The following LRRC37A2 variants were observed in gnomAD, a reference collection of about 807,000 sequenced individuals.
The protein encoded by LRRC37A2 is leucine rich repeat containing 37 member A2.
Under a neutral mutation model 68.8 loss-of-function variants are expected in LRRC37A2, and 9 were observed. The observed-to-expected ratio is 0.13, with a 90% CI of 0.08 to 0.23. The LOEUF (loss-of-function observed/expected upper bound fraction) is 0.23, where lower values mean the gene tolerates loss of function less well. Among genes scored for constraint, LRRC37A2 ranks in the 10% least tolerant of loss-of-function variants. The probability of loss-of-function intolerance (pLI) is 1.00; values close to 1 mark genes in which losing one functional copy is unlikely to be tolerated. For synonymous variants in LRRC37A2, 63 were observed against 367.6 expected, an observed-to-expected ratio of 0.17 and a Z score of 9.48; for missense variants, 168 against 950.4, an observed-to-expected ratio of 0.18 and a Z score of 10.82.
the LRRC37A2 span, among the ~76,000 whole-genome samples, chr17:46,772,431 G>A: frequency 1.3e-5 from 2 of 152,328 alleles, no homozygotes; most frequent in East Asian, 3.9e-4. Context: ...CTCGCTTTTG[G>A]GGAGCGCGTC....
the LRRC37A2 span, chr17:46,966,976 G>A: frequency 3.1e-6 from 1 of 322,098 alleles, no homozygotes; most frequent in Non-Finnish European, 5.6e-6. Flanking sequence ...TTGCTTATTT[G>A]ATTAAATGTC....
chr17:46,914,325 A>G, the LRRC37A2 span, among the ~76,000 whole-genome samples: 2 of 152,088 alleles, frequency 1.3e-5, no homozygotes, highest in South Asian at 4.2e-4. Context: ...TAGGGGGGCC[A>G]CTAATAGTTT....
chr17:46,867,884 C>T, the LRRC37A2 span, among the ~76,000 whole-genome samples: 35 of 152,092 alleles, frequency 2.3e-4, no homozygotes, highest in Admixed American at 6.5e-4. Context: ...CAGAGGTCAT[C>T]GCATGTGTGG....
chr17:46,781,084 C>T, the LRRC37A2 span, among the ~76,000 whole-genome samples: 2 of 151,906 alleles, frequency 1.3e-5, no homozygotes, highest in African/African-American at 2.4e-5. Flanking sequence ...AAAAATTAGC[C>T]GGGCCTGGTG....
At chr17:46,915,869 T>C in the LRRC37A2 span, among the ~76,000 whole-genome samples, 1 of 152,362 alleles carries the variant, frequency 6.6e-6, no homozygotes, top group African/African-American at 2.4e-5. Flanking sequence ...ACTGGGCCAC[T>C]AGAATGGTAC....
At chr17:46,799,774 C>T in the LRRC37A2 span, among the ~76,000 whole-genome samples, 1 of 152,148 alleles carries the variant, frequency 6.6e-6, no homozygotes, top group African/African-American at 2.4e-5. Context: ...TTCATTTCAA[C>T]CTCACAACTA....
At chr17:46,849,931 T>C in the LRRC37A2 span, among the ~76,000 whole-genome samples, 1 of 149,882 alleles carries the variant, frequency 6.7e-6, no homozygotes, top group Admixed American at 6.8e-5. Context: ...CACTGCAACC[T>C]CCACCTCCCA....
chr17:46,935,606 T>G, the LRRC37A2 span: 1 of 1,063,218 alleles, frequency 9.4e-7, no homozygotes, highest in Non-Finnish European at 1.1e-6. Flanking sequence ...TGTATTTTAG[T>G]AACTGAATCC....
At chr17:46,796,765 G>T in the LRRC37A2 span, among the ~76,000 whole-genome samples, 1 of 152,214 alleles carries the variant, frequency 6.6e-6, no homozygotes, top group Admixed American at 6.5e-5. Flanking sequence ...TGCTGCATAG[G>T]AGAGGGGGCT....
downstream of LRRC37A2, among the ~76,000 whole-genome samples, chr17:46,558,456 G>A (rs1401533221): frequency 4.3e-5 from 5 of 115,832 alleles, no homozygotes; most frequent in Non-Finnish European, 8.7e-5. Context: ...GCGTGATCTC[G>A]GTTGACTGCA....
the LRRC37A2 span, chr17:46,773,623 T>TGCCC: frequency 6.5e-5 from 25 of 383,488 alleles, 1 homozygote; most frequent in Non-Finnish European, 1.0e-4. Flanking sequence ...TCCTGATCCC[T>TGCCC]CCCCCCACCC....
At chr17:46,831,597 G>A in the LRRC37A2 span, 1 of 152,742 alleles carries the variant, frequency 6.5e-6, no homozygotes, top group Non-Finnish European at 1.5e-5. Flanking sequence ...AGAGTGGCGG[G>A]GTCAAGTTCA....
chr17:46,770,488 G>A, the LRRC37A2 span, among the ~76,000 whole-genome samples: 1 of 152,166 alleles, frequency 6.6e-6, no homozygotes, highest in Non-Finnish European at 1.5e-5. Flanking sequence ...TAAGGAGGGA[G>A]GCCTGGGAAT....
the LRRC37A2 span, among the ~76,000 whole-genome samples, chr17:46,678,355 CAGTA>C: frequency 4.7e-5 from 4 of 85,162 alleles, no homozygotes; most frequent in African/African-American, 1.4e-4. Flanking sequence ...CTGAGAAAAT[CAGTA>C]AGTAAAATTA....
chr17:47,001,967 C>T, the LRRC37A2 span, among the ~76,000 whole-genome samples: 2 of 151,884 alleles, frequency 1.3e-5, no homozygotes, highest in Non-Finnish European at 2.9e-5. Context: ...TTGAACTCCT[C>T]GCCTCAAGTG....
chr17:46,558,220 C>T (rs867338688), downstream of LRRC37A2, among the ~76,000 whole-genome samples: 8 of 102,736 alleles, frequency 7.8e-5, no homozygotes, highest in African/African-American at 3.6e-4. Context: ...CCACCATGCC[C>T]GGCTAATTTT....
chr17:46,806,537 G>A, the LRRC37A2 span, among the ~76,000 whole-genome samples: 1 of 152,106 alleles, frequency 6.6e-6, no homozygotes, highest in Admixed American at 6.6e-5. Flanking sequence ...AGGTAACATG[G>A]GGATGAAGAG....
At chr17:46,556,861 AATG>A (rs1347113744), downstream of LRRC37A2, 1 of 102,748 alleles carries the variant, frequency 9.7e-6, no homozygotes, top group Non-Finnish European at 1.9e-5. Flanking sequence ...GTGGGAGCAA[AATG>A]ATGAGAACTC....
chr17:46,755,483 C>T, the LRRC37A2 span: 1 of 949,212 alleles, frequency 1.1e-6, no homozygotes, highest in Admixed American at 2.0e-5. Context: ...TATTTGAATT[C>T]TTCGCTGTGT....
Sources: allele counts gnomAD v4.1 joint callset (sites outside exome capture counted in the v4.1 genomes callset), GRCh38; gene constraint gnomAD v4.1.1; transcripts MANE v1.5; gene names NCBI Gene and HGNC (gene_info 2026-07-23, HGNC 2026-07-21).